MLEC: variants seen among roughly 807,000 people sequenced by gnomAD.
MLEC encodes oligosaccharyltransferase complex subunit (non-catalytic).
In MLEC, 7 loss-of-function variants were observed where a neutral mutation model predicts 28.7. That is an observed-to-expected ratio of 0.24 (90% CI 0.14 to 0.46). The LOEUF (loss-of-function observed/expected upper bound fraction) is 0.46. Among genes scored for constraint, MLEC ranks in the 20% least tolerant of loss-of-function variants. The probability of loss-of-function intolerance (pLI) is 0.99; values close to 1 mark genes in which losing one functional copy is unlikely to be tolerated. For synonymous variants in MLEC, 142 were observed against 164.4 expected (o/e 0.86, Z 1.04); for missense variants, 237 against 391.1 (o/e 0.61, Z 3.32).
In MLEC at chr12:120,687,611, C is replaced by T; in HGVS notation, c.235+80C>T. 1 of 1,123,986 alleles carries T rather than the reference C, an allele frequency of 8.9e-7. No homozygotes were observed. The highest frequency in any genetic ancestry group is 1.2e-6 in the Non-Finnish European group (1 of 831,460). The allele number at this position is 1,123,986 out of a possible 1,614,324, so 69.6% of individuals were successfully genotyped here. ...CCGGCCGGGGGCTGCGGGCCCCGAGCCCCTTTCGACCCTGGGGCCGCGTCT... is the reference window on the plus strand; with the variant it reads ...CCGGCCGGGGGCTGCGGGCCCCGAGTCCCTTTCGACCCTGGGGCCGCGTCT... On this transcript the variant is annotated intron_variant, in intron 1 of 4. Coordinates refer to ENST00000228506, the MANE Select transcript of MLEC (RefSeq NM_014730.4). The surrounding 1 kb of genome is among the most constrained non-coding windows in gnomAD (Gnocchi z 8.1).
rs747942503 is a variant in MLEC at position 120,687,388 on chromosome 12, T to TCGGCGTGGC, written c.107_115dup (p.Val36_Gly38dup). ...CCGCCGGCGATCCGGGGACCCGGGCTCGGCGTGGCCGGCGTGGCCGGCGCG... is the reference window on the plus strand; with the variant it reads ...CCGCCGGCGATCCGGGGACCCGGGCTCGGCGTGGCCGGCGTGGCCGGCGTGGCCGGCGCG... On this transcript the variant is annotated inframe_insertion, in exon 1 of 5. Transcript: ENST00000228506. The surrounding 1 kb of genome is among the most constrained non-coding windows in gnomAD (Gnocchi z 8.1). 3.2e-4 allele frequency: 434 copies of TCGGCGTGGC among 1,373,830 alleles called. 1 individual carries two copies. Among genetic ancestry groups the TCGGCGTGGC allele is most frequent in the Non-Finnish European group, 3.9e-4 (415 of 1,064,938 alleles). The allele number at this position is 1,373,830 out of a possible 1,614,324, so 85.1% of individuals were successfully genotyped here. A position where few individuals can be genotyped will look rare whatever the true frequency, so the allele number is the denominator to read the frequency against.
rs938533233 is a variant in MLEC at position 120,692,030 on chromosome 12, C to T, written c.236-2061C>T. Among the ~76,000 whole-genome samples, 4 of 152,156 alleles carry T rather than the reference C, an allele frequency of 2.6e-5. No homozygotes were observed. The South Asian group carries it at 6.2e-4, about 24-fold the overall frequency. On this transcript the variant is annotated intron_variant, in intron 1 of 4. Transcript: ENST00000228506. ...AAAAAATTAGCCGGGCGTGGTGATG[C>T]GTGCCTGTAATCCCAGCTACTTGGG...
At chr12:120,693,021 T>C (rs905652670) in intron 1 of MLEC, among the ~76,000 whole-genome samples, 4 of 152,038 alleles carry the variant, frequency 2.6e-5, no homozygotes, top group African/African-American at 9.7e-5. Context: ...AGGAGTTTAG[T>C]GTGTTGTGCG....
Position 120,687,422 on chromosome 12 carries a change from C to T in MLEC, c.126C>T (p.Ala42=). The T allele has an allele frequency of 7.2e-7, 1 of 1,396,118 alleles. No homozygotes were observed. Among genetic ancestry groups the T allele is most frequent in the Non-Finnish European group, 9.3e-7 (1 of 1,075,440 alleles). The allele number at this position is 1,396,118 out of a possible 1,614,324, so 86.5% of individuals were successfully genotyped here. ...CCGGCGTGGCCGGCGCGGCGGGGGC[C>T]GGGCTGCCCGAGAGCGTCATTTGGG... The part of the protein sequence containing the change: ...GVAGVAGAAG[A]GLPESVIWAV... Residue 42 remains alanine (A), a synonymous_variant, in exon 1 of 5, where the codon GCC becomes GCT. Transcript: ENST00000228506. The surrounding 1 kb of genome is among the most constrained non-coding windows in gnomAD (Gnocchi z 8.1).
At chr12:120,691,353 G>C (rs1882030644) in intron 1 of MLEC, among the ~76,000 whole-genome samples, 1 of 152,224 alleles carries the variant, frequency 6.6e-6, no homozygotes, top group Non-Finnish European at 1.5e-5. Flanking sequence ...CTGTGGGATA[G>C]GTGGTGTCCC....
intron 1 of MLEC, among the ~76,000 whole-genome samples, chr12:120,693,716 T>C (rs1366130103): frequency 6.6e-6 from 1 of 152,244 alleles, no homozygotes; most frequent in East Asian, 1.9e-4. Context: ...AGGAGGTTTC[T>C]CTGAAGCCCT....
intron 4 of MLEC, among the ~76,000 whole-genome samples, chr12:120,695,512 GAA>G (rs1566014411): frequency 1.3e-5 from 2 of 152,020 alleles, no homozygotes; most frequent in South Asian, 4.1e-4. Context: ...TTTCCTAGGG[GAA>G]AAAAAGGTAA....
In MLEC at chr12:120,697,860, T is replaced by C. The variant is rs1480970492; in HGVS notation, c.*1315T>C. Reference sequence around the variant, plus strand: ...TAATAGTATGCCCCTCCTTCCCCTGTCCTTTCATTTCTCTATCCAAGTAGC... The same window carrying C: ...TAATAGTATGCCCCTCCTTCCCCTGCCCTTTCATTTCTCTATCCAAGTAGC... On this transcript the variant is annotated 3_prime_UTR_variant, in exon 5 of 5. Coordinates refer to ENST00000228506, the MANE Select transcript of MLEC (RefSeq NM_014730.4). The surrounding 1 kb of genome is among the most constrained non-coding windows in gnomAD (Gnocchi z 4.8). The C allele has an allele frequency of 6.6e-6, 1 of 152,248 alleles. No homozygotes were observed. Among genetic ancestry groups the C allele is most frequent in the Non-Finnish European group, 1.5e-5 (1 of 68,064 alleles). 9.4% of individuals were successfully genotyped at this position (152,248 alleles called of 1,614,324 possible). A position where few individuals can be genotyped will look rare whatever the true frequency, so the allele number is the denominator to read the frequency against.
In MLEC at chr12:120,694,124, G is replaced by T. The variant is rs549354074; in HGVS notation, c.269G>T (p.Arg90Leu). 2 of 1,614,052 alleles carry T rather than the reference G, an allele frequency of 1.2e-6. No individual in the cohort carries two copies. Among genetic ancestry groups the T allele is most frequent in the South Asian group, 2.2e-5 (2 of 91,058 alleles). ...SDYGMKLPIL[R>L]SNPEDQILYQ... is the part of the protein sequence containing the mutation. ...TATGGCATGAAACTGCCAATCCTGC[G>T]TTCCAACCCTGAGGACCAGATCCTG... Residue 90 changes from arginine to leucine, a missense_variant, in exon 2 of 5, where the codon CGT (arginine) becomes CTT (leucine). Transcript: ENST00000228506. This position sits in a 1 kb window ranked among gnomAD's most constrained non-coding sequence, Gnocchi z 4.5.
chr12:120,694,205 A>AG lies in MLEC; in HGVS notation c.352dup (p.Glu118GlyfsTer24). ...TTTGGCTACGAAGTGCCCATCAAAG[A>AG]GGAGGGGGACTACGTGCTGGTCTTG... On this transcript the variant is annotated frameshift_variant, in exon 2 of 5. Transcript: ENST00000228506. LOFTEE classifies it high-confidence loss of function. The surrounding 1 kb of genome is among the most constrained non-coding windows in gnomAD (Gnocchi z 4.5). 1 of 1,614,186 alleles carries AG rather than the reference A, an allele frequency of 6.2e-7. No individual in the cohort carries two copies. The highest frequency in any genetic ancestry group is 8.5e-7 in the Non-Finnish European group (1 of 1,180,032).
At position 120,696,169 on chromosome 12, in the gene MLEC, C is replaced by G. The variant is rs1882222963; in HGVS notation, c.650-147C>G. 5 of 993,612 alleles carry G rather than the reference C, an allele frequency of 5.0e-6. No homozygotes were observed. The highest frequency in any genetic ancestry group is 1.6e-5 in the South Asian group (1 of 63,494). The allele number at this position is 993,612 out of a possible 1,614,324, so 61.5% of individuals were successfully genotyped here. On this transcript the variant is annotated intron_variant, in intron 4 of 4. Transcript: ENST00000228506. The surrounding 1 kb of genome is among the most constrained non-coding windows in gnomAD (Gnocchi z 5.4). ...TTGCAGCACTCTGCTGTTCTGTAGA[C>G]CAGAGGCTATTTCTGCTACTTCTGG... is the stretch of plus-strand genomic sequence containing the variant.
In MLEC at chr12:120,687,623, C is replaced by A; in HGVS notation, c.235+92C>A. On this transcript the variant is annotated intron_variant, in intron 1 of 4. Coordinates refer to ENST00000228506, the MANE Select transcript of MLEC (RefSeq NM_014730.4). This position sits in a 1 kb window ranked among gnomAD's most constrained non-coding sequence, Gnocchi z 8.1. Reference sequence around the variant, plus strand: ...TGCGGGCCCCGAGCCCCTTTCGACCCTGGGGCCGCGTCTCTGGAGCGAAGT... The same window carrying A: ...TGCGGGCCCCGAGCCCCTTTCGACCATGGGGCCGCGTCTCTGGAGCGAAGT... 9.8e-7 allele frequency: 1 copy of A among 1,016,308 alleles called. No individual in the cohort carries two copies. The highest frequency in any genetic ancestry group is 1.7e-5 in the African/African-American group (1 of 59,506). 63.0% of individuals were successfully genotyped at this position (1,016,308 alleles called of 1,614,324 possible). A position where few individuals can be genotyped will look rare whatever the true frequency, so the allele number is the denominator to read the frequency against.
At chr12:120,690,352 A>G (rs1435184045) in intron 1 of MLEC, among the ~76,000 whole-genome samples, 1 of 151,856 alleles carries the variant, frequency 6.6e-6, no homozygotes, top group African/African-American at 2.4e-5. Context: ...GTTCCTCTTC[A>G]CTCTGACTAG....
chr12:120,687,450 G>T lies in MLEC; in HGVS notation c.154G>T (p.Val52Phe). ...AGLPESVIWA[V>F]NAGGEAHVDV... Reference sequence around the variant, plus strand: ...GCTGCCCGAGAGCGTCATTTGGGCGGTCAACGCGGGTGGAGAGGCGCATGT... The same window carrying T: ...GCTGCCCGAGAGCGTCATTTGGGCGTTCAACGCGGGTGGAGAGGCGCATGT... Residue 52 changes from valine to phenylalanine, a missense_variant, in exon 1 of 5, where the codon GTC becomes TTC. Val to Phe is a conservative substitution (Grantham distance 50). Transcript: ENST00000228506. This position sits in a 1 kb window ranked among gnomAD's most constrained non-coding sequence, Gnocchi z 8.1. 7.1e-7 allele frequency: 1 copy of T among 1,413,284 alleles called. No homozygotes were observed. Among genetic ancestry groups the T allele is most frequent in the Non-Finnish European group, 9.2e-7 (1 of 1,081,446 alleles). The allele number at this position is 1,413,284 out of a possible 1,614,324, so 87.5% of individuals were successfully genotyped here. A position where few individuals can be genotyped will look rare whatever the true frequency, so the allele number is the denominator to read the frequency against.
At chr12:120,690,514 C>G (rs59902644) in intron 1 of MLEC, among the ~76,000 whole-genome samples, 5,346 of 152,246 alleles carry the variant, frequency 0.035, 195 homozygotes, top group African/African-American at 0.079. Context: ...TTCAAAAAAT[C>G]TCTCATGCTT....
At chr12:120,692,116 C>T (rs1269326439) in intron 1 of MLEC, among the ~76,000 whole-genome samples, 1 of 152,208 alleles carries the variant, frequency 6.6e-6, no homozygotes, top group Non-Finnish European at 1.5e-5. Context: ...GCTGAGATTG[C>T]GCCATTGCAC....
Position 120,694,625 on chromosome 12 carries a change from A to G in MLEC, c.415-199A>G, listed in dbSNP as rs1446410755. 6.6e-6 allele frequency among the ~76,000 whole-genome samples: 1 copy of G among 152,090 alleles called. No individual in the cohort carries two copies. The highest frequency in any genetic ancestry group is 2.4e-5 in the African/African-American group (1 of 41,388). ...TTGTATTCTTTGTTCCTTAAAGCCAATATAAGAACTCCTGGGCAGTGAAGG... is the reference window on the plus strand; with the variant it reads ...TTGTATTCTTTGTTCCTTAAAGCCAGTATAAGAACTCCTGGGCAGTGAAGG... On this transcript the variant is annotated intron_variant, in intron 2 of 4. Transcript: ENST00000228506. The surrounding 1 kb of genome is among the most constrained non-coding windows in gnomAD (Gnocchi z 4.5).
chr12:120,690,802 G>A (rs1421273374), intron 1 of MLEC, among the ~76,000 whole-genome samples: 1 of 152,198 alleles, frequency 6.6e-6, no homozygotes, highest in African/African-American at 2.4e-5. Flanking sequence ...AGGAGTCACT[G>A]CTACCTCTGA....
At position 120,696,741 on chromosome 12, in the gene MLEC, C is replaced by T. The variant is rs1337163672; in HGVS notation, c.*196C>T. 2.8e-6 allele frequency: 2 copies of T among 721,466 alleles called. No individual in the cohort carries two copies. Among genetic ancestry groups the T allele is most frequent in the Admixed American group, 3.0e-5 (1 of 33,352 alleles). The allele number at this position is 721,466 out of a possible 1,614,324, so 44.7% of individuals were successfully genotyped here. A position where few individuals can be genotyped will look rare whatever the true frequency, so the allele number is the denominator to read the frequency against. On this transcript the variant is annotated 3_prime_UTR_variant, in exon 5 of 5. Coordinates refer to ENST00000228506, the MANE Select transcript of MLEC (RefSeq NM_014730.4). The surrounding 1 kb of genome is among the most constrained non-coding windows in gnomAD (Gnocchi z 5.4). ...TCACCACCTGGTCCCAGACGTGCTT[C>T]AGTCCTCGTCCTCTCTTTGTGGCTG...
Sources: gnomAD v4.1 joint callset for allele counts (sites outside exome capture counted in the v4.1 genomes callset) on GRCh38, gnomAD v4.1.1 for gene constraint, Gnocchi (gnomAD v3.1) non-coding constraint, MANE v1.5 for transcripts, NCBI Gene and HGNC (gene_info 2026-07-23, HGNC 2026-07-21) for gene names.